Variants in KCNIP4 observed in about 807,000 individuals in gnomAD.
KCNIP4 encodes the protein potassium voltage-gated channel interacting protein 4.
A neutral mutation model predicts 34.0 loss-of-function variants in KCNIP4; 12 were observed. The observed-to-expected ratio is 0.35, with a 90% confidence interval of 0.23 to 0.57. KCNIP4 has a LOEUF of 0.57. KCNIP4 is among the 20% of genes least tolerant of loss of function. The pLI, the probability that KCNIP4 is intolerant of heterozygous loss-of-function variation, is 0.83. For missense variants in KCNIP4, 238 were observed against 311.7 expected, an observed-to-expected ratio of 0.76 and a Z score of 1.78; for synonymous variants, 124 against 102.2, an observed-to-expected ratio of 1.21 and a Z score of -1.29.
intron 2 of KCNIP4, among the ~76,000 whole-genome samples, chr4:20,863,840 CT>C (rs769207006): frequency 2.6e-5 from 4 of 152,000 alleles, no homozygotes; most frequent in Non-Finnish European, 5.9e-5. Context: ...ACATGCACCC[CT>C]GAACTTAGAA....
intron 1 of KCNIP4, among the ~76,000 whole-genome samples, chr4:21,643,203 C>T (rs767922579): frequency 2.0e-5 from 3 of 152,116 alleles, no homozygotes; most frequent in Non-Finnish European, 4.4e-5. Context: ...CTCTTTTCCC[C>T]TTACCATATA....
chr4:21,323,791 A>G (rs556210289), intron 1 of KCNIP4, among the ~76,000 whole-genome samples: 2 of 152,148 alleles, frequency 1.3e-5, no homozygotes, highest in South Asian at 4.1e-4. Flanking sequence ...TTTATGGATC[A>G]AATGAGTTTT....
At chr4:21,217,987 G>GT (rs57025407) in intron 1 of KCNIP4, among the ~76,000 whole-genome samples, 9,007 of 145,362 alleles carry the variant, frequency 0.062, 323 homozygotes, top group East Asian at 0.13. Flanking sequence ...CCCCTGTATA[G>GT]TTTTTTTTTT....
At chr4:21,247,434 G>A (rs1760290637) in intron 1 of KCNIP4, among the ~76,000 whole-genome samples, 1 of 151,504 alleles carries the variant, frequency 6.6e-6, no homozygotes, top group Non-Finnish European at 1.5e-5. Flanking sequence ...TGCAATGGAA[G>A]AGCAGGAAAC....
intron 1 of KCNIP4, among the ~76,000 whole-genome samples, chr4:21,811,262 A>G (rs904327816): frequency 9.2e-5 from 14 of 152,228 alleles, no homozygotes; most frequent in African/African-American, 3.4e-4. Context: ...CCAAGGTTAA[A>G]GATGGATAAG....
chr4:21,107,927 C>T (rs1185291511), intron 1 of KCNIP4, among the ~76,000 whole-genome samples: 1 of 151,330 alleles, frequency 6.6e-6, no homozygotes, highest in Non-Finnish European at 1.5e-5. Flanking sequence ...GAATATTGCC[C>T]CCCACTCTCT....
intron 1 of KCNIP4, among the ~76,000 whole-genome samples, chr4:21,209,114 A>G (rs1040651455): frequency 6.6e-6 from 1 of 152,122 alleles, no homozygotes; most frequent in Admixed American, 6.6e-5. Context: ...TCTTTACTAA[A>G]TATTTATTGT....
chr4:21,167,682 T>C (rs2109286450), intron 1 of KCNIP4, among the ~76,000 whole-genome samples: 1 of 152,198 alleles, frequency 6.6e-6, no homozygotes, highest in East Asian at 1.9e-4. Context: ...TTTTATTTAA[T>C]TATATTTATA....
intron 1 of KCNIP4, among the ~76,000 whole-genome samples, chr4:21,513,454 C>A (rs1381221206): frequency 2.6e-5 from 4 of 152,106 alleles, no homozygotes; most frequent in Non-Finnish European, 5.9e-5. Flanking sequence ...AGATAAGTAC[C>A]AGAAGGTAGC....
In KCNIP4 at chr4:21,603,698, T is replaced by TAA. The variant is rs556634917; in HGVS notation, c.61+344871_61+344872dup. The stretch of plus-strand genomic sequence containing the variant: ...GACAATTAAAAGTAAGTAGCAATGA[T>TAA]AAAAAAAAAAATCCAGTTAAATGAA... On this transcript the variant is annotated intron_variant, in intron 1 of 8. Coordinates refer to ENST00000382152, the MANE Select transcript of KCNIP4 (RefSeq NM_025221.6). Among the ~76,000 whole-genome samples the TAA allele has an allele frequency of 1.9e-3, 287 of 148,680 alleles. 1 individual carries two copies. The highest frequency in any genetic ancestry group is 6.7e-3 in the African/African-American group (269 of 40,342).
At chr4:21,406,365 C>T (rs893701655) in intron 1 of KCNIP4, among the ~76,000 whole-genome samples, 2 of 152,160 alleles carry the variant, frequency 1.3e-5, no homozygotes, top group African/African-American at 2.4e-5. Flanking sequence ...TAAATAATAG[C>T]ATCAACAATA....
intron 1 of KCNIP4, among the ~76,000 whole-genome samples, chr4:21,106,276 C>G (rs1012423433): frequency 6.6e-6 from 1 of 151,608 alleles, no homozygotes; most frequent in Non-Finnish European, 1.5e-5. Context: ...TTCAGAGCCT[C>G]TTATTGATCT....
intron 1 of KCNIP4, among the ~76,000 whole-genome samples, chr4:21,294,896 G>A (rs1411335000): frequency 1.3e-5 from 2 of 152,100 alleles, no homozygotes; most frequent in African/African-American, 2.4e-5. Context: ...GATAAGTGAG[G>A]GAGAAGGAAC....
chr4:21,323,490 C>G (rs894585156), intron 1 of KCNIP4, among the ~76,000 whole-genome samples: 1 of 151,844 alleles, frequency 6.6e-6, no homozygotes, highest in African/African-American at 2.4e-5. Flanking sequence ...TTTTTAACTC[C>G]CACAATTAAG....
chr4:21,344,257 G>A (rs57606640), intron 1 of KCNIP4, among the ~76,000 whole-genome samples: 1,781 of 152,224 alleles, frequency 0.012, 30 homozygotes, highest in African/African-American at 0.041. Context: ...TGTGGACTGT[G>A]AGAGAAACGT....
chr4:21,225,320 C>T (rs1032811443), intron 1 of KCNIP4, among the ~76,000 whole-genome samples: 2 of 152,006 alleles, frequency 1.3e-5, no homozygotes, highest in African/African-American at 2.4e-5. Context: ...AAGGAAGATC[C>T]TTTCAACCTA....
intron 1 of KCNIP4, among the ~76,000 whole-genome samples, chr4:20,925,679 G>T (rs531627784): frequency 6.6e-6 from 1 of 152,246 alleles, no homozygotes; most frequent in African/African-American, 2.4e-5. Context: ...CAACATCCAA[G>T]AACCCTCTCT....
rs184001076 is a variant in KCNIP4, at chr4:21,357,487, C to T, written c.62-474778G>A. 4.1e-3 allele frequency among the ~76,000 whole-genome samples: 624 copies of T among 152,188 alleles called. 5 individuals carry two copies. The highest frequency in any genetic ancestry group is 0.014 in the African/African-American group (572 of 41,514). ...AAATTTACAAGAAAAAGTCAAACAA[C>T]CCCATCAAAAAGTGGGCAAAGGATA... On this transcript the variant is annotated intron_variant, in intron 1 of 8. Transcript: ENST00000382152.
chr4:21,062,810 G>C (rs555005669), intron 1 of KCNIP4, among the ~76,000 whole-genome samples: 2 of 152,068 alleles, frequency 1.3e-5, no homozygotes, highest in South Asian at 4.1e-4. Flanking sequence ...TTGAGGGAGG[G>C]TCAGCCTTTT....
Sources: gnomAD v4.1 joint callset for allele counts (sites outside exome capture counted in the v4.1 genomes callset) on GRCh38, gnomAD v4.1.1 for gene constraint, MANE v1.5 for transcripts, NCBI Gene and HGNC (gene_info 2026-07-23, HGNC 2026-07-21) for gene names.